Variants in BMX observed in about 807,000 individuals in gnomAD.
BMX encodes the protein BMX non-receptor tyrosine kinase.
Under a neutral mutation model 59.2 loss-of-function variants are expected in BMX, and 31 were observed. The observed-to-expected ratio is 0.52, with a 90% confidence interval of 0.39 to 0.71. BMX has a LOEUF of 0.71. BMX is among the 30% of genes least tolerant of loss of function. The pLI is 0.00. For synonymous variants in BMX, 185 were observed against 181.0 expected, an observed-to-expected ratio of 1.02 and a Z score of -0.18; for missense variants, 474 against 491.7, an observed-to-expected ratio of 0.96 and a Z score of 0.34.
chrX:15,511,712 C>T (rs1923968000), intron 4 of BMX, among the ~76,000 whole-genome samples, 194 bp downstream of exon 4: 1 of 111,135 alleles, frequency 9.0e-6, no homozygotes, highest in African/African-American at 3.3e-5. Flanking sequence ...TTGTTACATA[C>T]AGGAAGCCTG....
intron 3 of BMX, among the ~76,000 whole-genome samples, chrX:15,510,337 A>G (rs1256760776): frequency 1.8e-5 from 2 of 111,444 alleles, no homozygotes; most frequent in Non-Finnish European, 1.9e-5. Flanking sequence ...CAAAAATGAA[A>G]TACAATAATC....
At position 15,546,803 on chromosome X, in the gene BMX, G is replaced by T; in HGVS notation, c.1677G>T (p.Arg559Ser). The change falls in exon 17 of 19, where the codon AGG becomes AGT. Residue 559 changes from arginine to serine, a missense_variant and splice_region_variant. Physicochemically the swap from Arg to Ser is moderately radical, Grantham distance 110 (BLOSUM62 -1). Coordinates refer to ENST00000348343, the MANE Select transcript of BMX (RefSeq NM_203281.3). ...CVKVSDFGMT[R>S]YVLDDQYVSS... ...TGTGTTGATGTGTTTTCCCTGGCAG[G>T]TATGTTCTTGATGACCAGTATGTCA... The T allele has an allele frequency of 8.3e-7, 1 of 1,203,898 alleles. No individual in the cohort carries two copies. Among genetic ancestry groups the T allele is most frequent in the Non-Finnish European group, 1.1e-6 (1 of 888,943 alleles).
Position 15,526,043 on chromosome X carries a change from G to T in BMX, c.832G>T (p.Glu278Ter). 1 of 1,206,620 alleles carries T rather than the reference G, an allele frequency of 8.3e-7. No individual in the cohort carries two copies. Residue 278 changes from glutamate to a stop codon, truncating the protein, a stop_gained and splice_region_variant, in exon 9 of 19, where the codon GAA (glutamate) becomes TAA (stop). Coordinates refer to ENST00000348343, the MANE Select transcript of BMX (RefSeq NM_203281.3). LOFTEE classifies it high-confidence loss of function. ...ACGTTTTTCTCAACTCTTCTTAAGG[G>T]AATTCCCTGAGTCAAGTTCATCTGA... ...VNHTTSKISW[E>*]FPESSSSEEE...
chrX:15,548,667 G>T (rs72614594), intron 17 of BMX, among the ~76,000 whole-genome samples: 29 of 111,487 alleles, frequency 2.6e-4, no homozygotes, highest in East Asian at 8.5e-4. Flanking sequence ...TCCCAGTGAG[G>T]ATACCCAAAA....
chrX:15,521,431 G>T (rs1328887329), intron 6 of BMX, among the ~76,000 whole-genome samples: 1 of 111,885 alleles, frequency 8.9e-6, no homozygotes, highest in Non-Finnish European at 1.9e-5. Flanking sequence ...AACTGTTTTG[G>T]TTTCTTATTA....
At chrX:15,551,398 T>C (rs1370613354) in intron 18 of BMX, among the ~76,000 whole-genome samples, 1 of 111,067 alleles carries the variant, frequency 9.0e-6, no homozygotes, top group Non-Finnish European at 1.9e-5. Context: ...ATTATCTCTG[T>C]GCTTCACTGT....
At position 15,536,346 on chromosome X, in the gene BMX, A is replaced by G; in HGVS notation, c.1148-7A>G. The G allele has an allele frequency of 8.3e-7, 1 of 1,207,164 alleles. No individual in the cohort carries two copies. Among genetic ancestry groups the G allele is most frequent in the Non-Finnish European group, 1.1e-6 (1 of 892,480 alleles). On this transcript the variant is annotated splice_polypyrimidine_tract_variant and splice_region_variant and intron_variant, in intron 12 of 18. Transcript: ENST00000348343. ...GATGTGATGATATGATGCTGATTCC[A>G]TTGCAGGCATGATCACACGGCTCCG...
At chrX:15,504,276 A>G (rs1602320063) in intron 1 of BMX, among the ~76,000 whole-genome samples, 1 of 111,693 alleles carries the variant, frequency 9.0e-6, no homozygotes, top group African/African-American at 3.3e-5. Context: ...CTTTCACCAT[A>G]AGGTTTCTCA....
chrX:15,524,560 G>A (rs1035186220), intron 7 of BMX, among the ~76,000 whole-genome samples: 5 of 112,197 alleles, frequency 4.5e-5, no homozygotes, highest in Admixed American at 1.9e-4. Flanking sequence ...AGCTATTCTA[G>A]TGGGCAAGGC....
At chrX:15,525,463 T>A in intron 8 of BMX, 98 bp downstream of exon 8, 3 of 871,160 alleles carry the variant, frequency 3.4e-6, no homozygotes, top group Non-Finnish European at 5.0e-6. Flanking sequence ...GCTTTCTACT[T>A]AAGGTAAATA....
At chrX:15,553,091 A>G (rs1926270894) in intron 18 of BMX, among the ~76,000 whole-genome samples, 1 of 112,376 alleles carries the variant, frequency 8.9e-6, no homozygotes, top group African/African-American at 3.2e-5. Context: ...TGGTGCATTG[A>G]AAAGAAACTG....
chrX:15,532,214 C>A (rs143196160), intron 11 of BMX, among the ~76,000 whole-genome samples: 2,761 of 110,924 alleles, frequency 0.025, 76 homozygotes, highest in African/African-American at 0.086. Flanking sequence ...ACTCCCTGTA[C>A]CCTAACACTT....
At chrX:15,539,311 G>A (rs1356340060) in intron 14 of BMX, among the ~76,000 whole-genome samples, 2 of 111,676 alleles carry the variant, frequency 1.8e-5, no homozygotes, top group East Asian at 2.8e-4. Flanking sequence ...AAAGAAAAAC[G>A]TCAAACTGTG....
In BMX at chrX:15,509,415, G is replaced by C; in HGVS notation, c.225G>C (p.Glu75Asp). The C allele has an allele frequency of 8.3e-7, 1 of 1,200,447 alleles. No homozygotes were observed. The highest frequency in any genetic ancestry group is 1.1e-6 in the Non-Finnish European group (1 of 887,745). The change falls in exon 3 of 19, where the codon GAG becomes GAC. Residue 75 changes from glutamate to aspartate, a missense_variant. Physicochemically the swap from Glu to Asp is conservative, Grantham distance 45. Coordinates refer to ENST00000348343, the MANE Select transcript of BMX (RefSeq NM_203281.3). ...KVNLEEQTPV[E>D]RQYPFQIVYK... ...ATCTCGAGGAGCAGACGCCTGTAGAGAGACAGTACCCATTTCAGGTAAAGG... is the reference window on the plus strand; with the variant it reads ...ATCTCGAGGAGCAGACGCCTGTAGACAGACAGTACCCATTTCAGGTAAAGG...
chrX:15,508,578 T>A (rs920632068), intron 2 of BMX, 87 bp downstream of exon 2: 2 of 781,057 alleles, frequency 2.6e-6, no homozygotes, highest in Non-Finnish European at 3.6e-6. Context: ...TGAAAGAATA[T>A]CAGGTTTCTT....
chrX:15,555,807 A>T (rs1342012976), intron 18 of BMX, among the ~76,000 whole-genome samples: 1 of 112,072 alleles, frequency 8.9e-6, no homozygotes, highest in East Asian at 2.8e-4. Flanking sequence ...GCTTGCAAAT[A>T]AAGAGACTTT....
intron 9 of BMX, among the ~76,000 whole-genome samples, chrX:15,528,218 C>G (rs1924888403): frequency 8.9e-6 from 1 of 112,165 alleles, no homozygotes. Context: ...TCAGTCACCT[C>G]ACATTGTGCT....
intron 1 of BMX, chrX:15,507,423 T>A (rs1340765532): frequency 1.5e-6 from 1 of 687,814 alleles, no homozygotes; most frequent in East Asian, 1.6e-4. Flanking sequence ...AGTAAAGCCT[T>A]CAGATTATCA....
At chrX:15,523,728 T>G (rs1244658651) in intron 7 of BMX, among the ~76,000 whole-genome samples, 3 of 111,711 alleles carry the variant, frequency 2.7e-5, no homozygotes, top group African/African-American at 9.8e-5. Flanking sequence ...CTCCAGTGAT[T>G]CATTGAGAGA....
Sources: allele counts gnomAD v4.1 joint callset (sites outside exome capture counted in the v4.1 genomes callset), GRCh38; gene constraint gnomAD v4.1.1; transcripts MANE v1.5; gene names NCBI Gene and HGNC (gene_info 2026-07-23, HGNC 2026-07-21).